CHRM3: variants seen among roughly 807,000 people sequenced by gnomAD.
CHRM3 encodes the protein cholinergic receptor muscarinic 3, also known as muscarinic acetylcholine receptor M3.
In CHRM3, 11 loss-of-function variants were observed where a neutral mutation model predicts 41.8. That is an observed-to-expected ratio of 0.26 (90% CI 0.17 to 0.44). The LOEUF (loss-of-function observed/expected upper bound fraction) is 0.44, where lower values mean the gene tolerates loss of function less well. CHRM3 is among the 20% of genes least tolerant of loss of function. The probability of loss-of-function intolerance (pLI) is 1.00; values close to 1 mark genes in which losing one functional copy is unlikely to be tolerated. For synonymous variants in CHRM3, 297 were observed against 301.4 expected, an observed-to-expected ratio of 0.99 and a Z score of 0.15; for missense variants, 571 against 745.4, an observed-to-expected ratio of 0.77 and a Z score of 2.72.
rs941991177 is a variant in CHRM3, at chr1:239,719,575, T to C, written c.-147+41287T>C. ...ACGGTATTGTTGCAGCTGACCTGTA[T>C]ACGTAAGGAATTACTGGGTCATCAG... is the stretch of plus-strand genomic sequence containing the variant. On this transcript the variant is annotated intron_variant, in intron 5 of 6. Transcript: ENST00000676153. The C allele has an allele frequency of 3.9e-5, 6 of 151,942 alleles. No individual in the cohort carries two copies. The East Asian group carries it at 9.7e-4, about 25-fold the overall frequency. The allele number at this position is 151,942 out of a possible 1,614,324, so 9.4% of individuals were successfully genotyped here. A position where few individuals can be genotyped will look rare whatever the true frequency, so the allele number is the denominator to read the frequency against.
chr1:239,609,047 CAT>C lies in CHRM3; in HGVS notation c.-312-23176_-312-23175del, dbSNP rs202213581. Among the ~76,000 whole-genome samples the C allele has an allele frequency of 2.0e-5, 3 of 152,078 alleles. No homozygotes were observed. The East Asian group carries it at 5.8e-4, about 29-fold the overall frequency. ...TTTGAAGTTTTGACATATGTATACA[CAT>C]GTGAAAATCATCAACAAAAGCAAGA... On this transcript the variant is annotated intron_variant, in intron 3 of 6. Transcript: ENST00000676153.
At position 239,644,380 on chromosome 1, in the gene CHRM3, G is replaced by T. The variant is rs1453003712; in HGVS notation, c.-250+12094G>T. Among the ~76,000 whole-genome samples the T allele has an allele frequency of 2.0e-5, 3 of 152,006 alleles. No homozygotes were observed. The South Asian group carries it at 6.2e-4, about 31-fold the overall frequency. ...CCCTGGCTCTGTCCTGTTCCCCCAG[G>T]GTCCTCAGCCTCAGAGCCTACATGT... On this transcript the variant is annotated intron_variant, in intron 4 of 6. Transcript: ENST00000676153.
At chr1:239,646,438 C>T (rs543960529) in intron 4 of CHRM3, among the ~76,000 whole-genome samples, 5 of 152,164 alleles carry the variant, frequency 3.3e-5, no homozygotes, top group East Asian at 3.9e-4. Flanking sequence ...ATTGTTAGCA[C>T]GTTTGGATGC....
chr1:239,873,807 G>T (rs1053232694), intron 6 of CHRM3, among the ~76,000 whole-genome samples: 18 of 152,006 alleles, frequency 1.2e-4, no homozygotes, highest in African/African-American at 4.3e-4. Flanking sequence ...CATATCTTGA[G>T]CACCTCCTGA....
chr1:239,389,052 CA>C (rs1222163486), intron 1 of CHRM3, among the ~76,000 whole-genome samples: 4 of 152,096 alleles, frequency 2.6e-5, no homozygotes, highest in Non-Finnish European at 5.9e-5. Flanking sequence ...ACGAAAATAG[CA>C]ATGTCGAAAT....
chr1:239,878,921 G>A (rs932917779), intron 6 of CHRM3, among the ~76,000 whole-genome samples: 3 of 152,164 alleles, frequency 2.0e-5, no homozygotes, highest in African/African-American at 7.2e-5. Context: ...TTGACCAGGT[G>A]GCCATGGAGG....
chr1:239,904,872 C>T (rs1197918656), intron 6 of CHRM3, among the ~76,000 whole-genome samples: 1 of 151,984 alleles, frequency 6.6e-6, no homozygotes, highest in Admixed American at 6.5e-5. Flanking sequence ...TCAAAGAGTA[C>T]TAAGGTGAAC....
chr1:239,851,833 T>TA (rs1482245033), intron 6 of CHRM3, among the ~76,000 whole-genome samples: 9 of 152,122 alleles, frequency 5.9e-5, no homozygotes, highest in Non-Finnish European at 1.3e-4. Flanking sequence ...TGACACTTTA[T>TA]AAAAAAGCAG....
At chr1:239,712,558 A>G (rs1661914436) in intron 5 of CHRM3, among the ~76,000 whole-genome samples, 1 of 152,220 alleles carries the variant, frequency 6.6e-6, no homozygotes, top group Non-Finnish European at 1.5e-5. Flanking sequence ...TATTGAAAAT[A>G]CTTTACCTTT....
intron 5 of CHRM3, among the ~76,000 whole-genome samples, chr1:239,757,387 A>C: frequency 6.6e-6 from 1 of 151,992 alleles, no homozygotes. Flanking sequence ...CCAGCACTTT[A>C]GGAGGCCCAG....
intron 3 of CHRM3, among the ~76,000 whole-genome samples, chr1:239,548,236 T>TG (rs1416385254): frequency 1.3e-5 from 2 of 152,156 alleles, no homozygotes; most frequent in African/African-American, 2.4e-5. Flanking sequence ...ACTGATAACT[T>TG]GGGGCAATAT....
chr1:239,906,541 G>A (rs1264881939), intron 6 of CHRM3, among the ~76,000 whole-genome samples: 1 of 152,112 alleles, frequency 6.6e-6, no homozygotes, highest in East Asian at 1.9e-4. Context: ...GTGACACCAA[G>A]GAGGTCTAAC....
At chr1:239,899,984 T>A (rs532864923) in intron 6 of CHRM3, 1 of 152,216 alleles carries the variant, frequency 6.6e-6, no homozygotes, top group Non-Finnish European at 1.5e-5. Context: ...GGATTACTTA[T>A]AAAGTGCGAA....
At chr1:239,607,558 A>T (rs1666485435) in intron 3 of CHRM3, among the ~76,000 whole-genome samples, 1 of 152,196 alleles carries the variant, frequency 6.6e-6, no homozygotes. Flanking sequence ...AGTTAAAAAA[A>T]AATAAACAAA....
chr1:239,813,934 A>AAAAACAAAAAAAAC (rs57948520), intron 5 of CHRM3, among the ~76,000 whole-genome samples: 1 of 125,820 alleles, frequency 7.9e-6, no homozygotes, highest in African/African-American at 2.9e-5. Context: ...AAAAAAAAAA[A>AAAAACAAAAAAAAC]CTCACAGTTG....
chr1:239,785,270 T>C (rs1668800791), intron 5 of CHRM3, among the ~76,000 whole-genome samples: 1 of 152,302 alleles, frequency 6.6e-6, no homozygotes, highest in African/African-American at 2.4e-5. Context: ...AGATAAACTC[T>C]CTGTGATTTC....
At chr1:239,658,933 T>C (rs926389523) in intron 4 of CHRM3, among the ~76,000 whole-genome samples, 1 of 152,088 alleles carries the variant, frequency 6.6e-6, no homozygotes. Context: ...GAGACGGGTG[T>C]CACCGTGTTA....
chr1:239,490,922 G>A (rs1358735023), intron 1 of CHRM3, among the ~76,000 whole-genome samples: 1 of 151,910 alleles, frequency 6.6e-6, no homozygotes, highest in East Asian at 1.9e-4. Flanking sequence ...TATATTTTTT[G>A]TTGACACGGG....
intron 5 of CHRM3, among the ~76,000 whole-genome samples, chr1:239,800,877 A>C (rs919668092): frequency 3.4e-5 from 5 of 148,384 alleles, no homozygotes; most frequent in African/African-American, 1.2e-4. Flanking sequence ...ACTATAAAAA[A>C]GTAAGAAATG....
Sources: allele counts gnomAD v4.1 joint callset (sites outside exome capture counted in the v4.1 genomes callset), GRCh38; gene constraint gnomAD v4.1.1; transcripts MANE v1.5; gene names NCBI Gene and HGNC (gene_info 2026-07-23, HGNC 2026-07-21).